SUMF1: variants seen among roughly 807,000 people sequenced by gnomAD.
SUMF1 encodes the protein sulfatase modifying factor 1, also known as formylglycine-generating enzyme.
Under a neutral mutation model 47.6 loss-of-function variants are expected in SUMF1, and 48 were observed. The ratio of observed to expected loss-of-function variants is 1.01; its 90% CI spans 0.80 to 1.28. The LOEUF (loss-of-function observed/expected upper bound fraction) is 1.28, where lower values mean the gene tolerates loss of function less well. Among genes scored for constraint, SUMF1 ranks in the 50% most tolerant of loss-of-function variants. The probability of loss-of-function intolerance (pLI) is 0.00; values close to 1 mark genes in which losing one functional copy is unlikely to be tolerated. For missense variants in SUMF1, 571 were observed against 485.4 expected (o/e 1.18, Z -1.66); for synonymous variants, 230 against 192.1 (o/e 1.20, Z -1.63).
chr3:4,465,776 G>C (rs568958486), intron 1 of SUMF1, among the ~76,000 whole-genome samples: 43 of 152,182 alleles, frequency 2.8e-4, no homozygotes, highest in African/African-American at 1.0e-3. Context: ...GTCCAGTTGG[G>C]GAGAGACATC....
At chr3:4,440,175 G>A (rs181873080) in intron 3 of SUMF1, among the ~76,000 whole-genome samples, 1 of 148,848 alleles carries the variant, frequency 6.7e-6, no homozygotes, top group African/African-American at 2.5e-5. Context: ...GGCAGAGGTT[G>A]GTTGCAGTGA....
chr3:4,339,931 A>G (rs308721), intron 8 of SUMF1, among the ~76,000 whole-genome samples: 118,024 of 151,944 alleles, frequency 0.78, 46,404 homozygotes, highest in African/African-American at 0.89. Context: ...GCAAAAATTA[A>G]CCGGGTGTGG....
At chr3:4,379,479 A>G (rs1004536126) in intron 7 of SUMF1, among the ~76,000 whole-genome samples, 1 of 152,088 alleles carries the variant, frequency 6.6e-6, no homozygotes, top group Middle Eastern at 3.4e-3. Flanking sequence ...TCCCTTAGAG[A>G]CTCCAGATGG....
Position 4,354,446 on chromosome 3 carries a change from A to G in SUMF1, c.1014+21884T>C, listed in dbSNP as rs192351281. 2.4e-3 allele frequency among the ~76,000 whole-genome samples: 291 copies of G among 119,612 alleles called. 3 individuals are homozygous for G. The highest frequency in any genetic ancestry group is 4.4e-3 in the Middle Eastern group (1 of 228). The allele number at this position is 119,612 out of a possible 152,430, so 78.5% of individuals were successfully genotyped here. ...CTTTTCCATTGGTATTAAACCTGCT[A>G]GAGGTTCTTTGTGAGGTGGATTCAA... On this transcript the variant is annotated intron_variant and NMD_transcript_variant, in intron 8 of 12. Transcript: ENST00000448413.
chr3:4,136,637 A>G (rs1286296786), intron 8 of SUMF1, among the ~76,000 whole-genome samples: 1 of 151,810 alleles, frequency 6.6e-6, no homozygotes, highest in Non-Finnish European at 1.5e-5. Flanking sequence ...TAATTAAACT[A>G]AAGAGCTTCC....
At position 4,297,304 on chromosome 3, in the gene SUMF1, T is replaced by C. The variant is rs530339414; in HGVS notation, c.1014+79026A>G. Among the ~76,000 whole-genome samples the C allele has an allele frequency of 4.6e-5, 7 of 152,296 alleles. No individual in the cohort carries two copies. The South Asian group carries it at 1.5e-3, about 32-fold the overall frequency. ...GGACAGAAATCCCCAAAAGGATCAA[T>C]TACCATGCTTCTTTTTAAAATGACT... On this transcript the variant is annotated intron_variant and NMD_transcript_variant, in intron 8 of 12. Coordinates refer to the SUMF1 transcript ENST00000448413.
chr3:4,196,662 T>G (rs1352597905), intron 8 of SUMF1, among the ~76,000 whole-genome samples: 3 of 152,130 alleles, frequency 2.0e-5, no homozygotes, highest in Admixed American at 2.0e-4. Flanking sequence ...TTTCTACCTC[T>G]AACCCTTTTC....
At chr3:4,335,315 C>G (rs149355252) in intron 8 of SUMF1, among the ~76,000 whole-genome samples, 1 of 152,164 alleles carries the variant, frequency 6.6e-6, no homozygotes, top group Admixed American at 6.5e-5. Context: ...TACCTCTTCA[C>G]CTCATCTCTT....
chr3:4,179,359 C>G (rs986330481), intron 8 of SUMF1, among the ~76,000 whole-genome samples: 1 of 152,080 alleles, frequency 6.6e-6, no homozygotes, highest in African/African-American at 2.4e-5. Context: ...TGGAACAGAA[C>G]AGAGGCTTCA....
chr3:4,230,779 G>A (rs1696282305), intron 8 of SUMF1, among the ~76,000 whole-genome samples: 1 of 151,984 alleles, frequency 6.6e-6, no homozygotes, highest in South Asian at 2.1e-4. Context: ...AGCTGTCTGG[G>A]GGCCTCCAGC....
chr3:4,145,912 G>A (rs761919218), intron 8 of SUMF1, among the ~76,000 whole-genome samples: 1 of 152,050 alleles, frequency 6.6e-6, no homozygotes, highest in African/African-American at 2.4e-5. Flanking sequence ...GAACCTCAGC[G>A]ATTCCAATTC....
intron 8 of SUMF1, among the ~76,000 whole-genome samples, chr3:4,254,927 C>T (rs1361066364): frequency 3.3e-5 from 5 of 152,072 alleles, no homozygotes; most frequent in Non-Finnish European, 5.9e-5. Context: ...TGGCAGAAAC[C>T]CTACAAGCCA....
At chr3:4,412,355 C>G (rs1701571395) in intron 6 of SUMF1, among the ~76,000 whole-genome samples, 1 of 152,204 alleles carries the variant, frequency 6.6e-6, no homozygotes, top group Non-Finnish European at 1.5e-5. Context: ...GAGAGAGAAG[C>G]TTCTGGCTGA....
At chr3:4,443,155 G>T (rs1377096637) in intron 3 of SUMF1, among the ~76,000 whole-genome samples, 1 of 152,052 alleles carries the variant, frequency 6.6e-6, no homozygotes. Context: ...GCGGGCCCCT[G>T]TAATCCCAGC....
chr3:4,145,928 G>C (rs1421747593), intron 8 of SUMF1, among the ~76,000 whole-genome samples: 1 of 152,062 alleles, frequency 6.6e-6, no homozygotes, highest in Non-Finnish European at 1.5e-5. Context: ...AATTCCCTGA[G>C]TTCAATTTTT....
intron 8 of SUMF1, among the ~76,000 whole-genome samples, chr3:4,105,498 A>C (rs1238027751): frequency 6.6e-6 from 1 of 152,148 alleles, no homozygotes; most frequent in Non-Finnish European, 1.5e-5. Flanking sequence ...TTTTGGAAGA[A>C]GGAACATCAT....
Position 4,369,712 on chromosome 3 carries a change from A to T in SUMF1, c.1014+6618T>A, listed in dbSNP as rs535858081. Among the ~76,000 whole-genome samples, 163 of 152,294 alleles carry T rather than the reference A, an allele frequency of 1.1e-3. 1 individual carries two copies. The highest frequency in any genetic ancestry group is 3.7e-3 in the African/African-American group (153 of 41,564). ...ACAGGTTGCTTAAATCCATGTTCCT[A>T]GGCCATACATCCAGAAACTCTGATT... On this transcript the variant is annotated intron_variant, in intron 8 of 8. Transcript: ENST00000272902.
chr3:4,458,822 C>T (rs1177231525), intron 1 of SUMF1, among the ~76,000 whole-genome samples: 1 of 152,104 alleles, frequency 6.6e-6, no homozygotes, highest in East Asian at 1.9e-4. Flanking sequence ...AGCCACTGCA[C>T]TCCAGCCTGG....
At chr3:4,154,455 C>T (rs1694407859) in intron 8 of SUMF1, among the ~76,000 whole-genome samples, 1 of 151,544 alleles carries the variant, frequency 6.6e-6, no homozygotes, top group Non-Finnish European at 1.5e-5. Flanking sequence ...AACTATGTTC[C>T]AGTCACTTTG....
Sources: gnomAD v4.1 joint callset for allele counts (sites outside exome capture counted in the v4.1 genomes callset) on GRCh38, gnomAD v4.1.1 for gene constraint, MANE v1.5 for transcripts, NCBI Gene and HGNC (gene_info 2026-07-23, HGNC 2026-07-21) for gene names.